Variants in IRF1 observed in about 807,000 individuals in gnomAD.
IRF1 encodes the protein interferon regulatory factor 1, also known as interferon regulatory factor-1.
In IRF1, 13 loss-of-function variants were observed where a neutral mutation model predicts 43.7. That is an observed-to-expected ratio of 0.30 (90% CI 0.19 to 0.47). The LOEUF (loss-of-function observed/expected upper bound fraction) is 0.47. Among genes scored for constraint, IRF1 ranks in the 20% least tolerant of loss-of-function variants. The probability of loss-of-function intolerance (pLI) is 0.99; values close to 1 mark genes in which losing one functional copy is unlikely to be tolerated. For missense variants in IRF1, 236 were observed against 408.9 expected, an observed-to-expected ratio of 0.58 and a Z score of 3.65; for synonymous variants, 138 against 146.8, an observed-to-expected ratio of 0.94 and a Z score of 0.43.
intron 7 of IRF1, 90 bp from the exon 8 acceptor site, chr5:132,485,806 TTC>T (rs1467453243): frequency 9.9e-6 from 9 of 906,174 alleles, no homozygotes; most frequent in Admixed American, 1.8e-5. Context: ...CCCCTGCCCT[TTC>T]TCTGTCTCTC....
At chr5:132,484,110 G>A in intron 9 of IRF1, 35 bp from the exon 10 acceptor site, 1 of 1,609,436 alleles carries the variant, frequency 6.2e-7, no homozygotes, top group Non-Finnish European at 8.5e-7. Context: ...TGAGGGTAGG[G>A]GACGGTGGCA....
In IRF1 at chr5:132,482,663, G is replaced by GTTTTTTTTTT. The variant is rs55959557; in HGVS notation, c.*1278_*1287dup. On this transcript the variant is annotated 3_prime_UTR_variant, in exon 10 of 10. Transcript: ENST00000245414. Reference sequence around the variant, plus strand: ...GCCACCATGCCCGGCCAAATGAAAGGTTTTTTTTTTTTTTTTTTTTTTTGG... The same window carrying GTTTTTTTTTT: ...GCCACCATGCCCGGCCAAATGAAAGGTTTTTTTTTTTTTTTTTTTTTTTTTTTTTTTTTGG... The GTTTTTTTTTT allele has an allele frequency of 1.5e-5, 1 of 65,926 alleles. No individual in the cohort carries two copies. The highest frequency in any genetic ancestry group is 5.2e-5 in the African/African-American group (1 of 19,296). The allele number at this position is 65,926 out of a possible 1,614,324, so 4.1% of individuals were successfully genotyped here. A position where few individuals can be genotyped will look rare whatever the true frequency, so the allele number is the denominator to read the frequency against.
chr5:132,490,488 C>T lies in IRF1; in HGVS notation c.-6+57G>A, dbSNP rs1316153448. The T allele has an allele frequency of 6.6e-6, 1 of 151,844 alleles. No individual in the cohort carries two copies. Among genetic ancestry groups the T allele is most frequent in the Non-Finnish European group, 1.5e-5 (1 of 67,942 alleles). The allele number at this position is 151,844 out of a possible 1,614,324, so 9.4% of individuals were successfully genotyped here. The stretch of plus-strand genomic sequence containing the variant: ...GCTTTCGACCCCCCACTTCCTGGTG[C>T]CCCGCGCGCCTTTTATTCGACGCCG... On this transcript the variant is annotated intron_variant, in intron 1 of 9. Coordinates refer to ENST00000245414, the MANE Select transcript of IRF1 (RefSeq NM_002198.3). The surrounding 1 kb of genome is among the most constrained non-coding windows in gnomAD (Gnocchi z 5.8).
At chr5:132,487,211 A>C in intron 3 of IRF1, 81 bp from the exon 4 acceptor site, 1 of 1,414,076 alleles carries the variant, frequency 7.1e-7, no homozygotes. Flanking sequence ...GGAGGAAGGC[A>C]AGGTACCCCT....
In IRF1 at chr5:132,484,558, C is replaced by T. The variant is rs1277274631; in HGVS notation, c.718-61G>A. 4.4e-6 allele frequency: 7 copies of T among 1,604,200 alleles called. No homozygotes were observed. The Admixed American group carries it at 6.7e-5, about 15-fold the overall frequency. Reference sequence around the variant, plus strand: ...TCCAGTGCAGACTCACCCTGTGGCCCTGCCCTCAATGAGCCAGCTCCTCTC... The same window carrying T: ...TCCAGTGCAGACTCACCCTGTGGCCTTGCCCTCAATGAGCCAGCTCCTCTC... On this transcript the variant is annotated intron_variant, in intron 8 of 9. Coordinates refer to ENST00000245414, the MANE Select transcript of IRF1 (RefSeq NM_002198.3).
Position 132,489,173 on chromosome 5 carries a change from C to G in IRF1, c.87+219G>C, listed in dbSNP as rs1383230282. ...TCTTGCTGCTGGAAACTGGAAGTGC[C>G]TTCAGGTGGGTGCCCTACCTCAAGA... is the stretch of plus-strand genomic sequence containing the variant. On this transcript the variant is annotated intron_variant, in intron 2 of 9. Coordinates refer to ENST00000245414, the MANE Select transcript of IRF1 (RefSeq NM_002198.3). 6 of 502,474 alleles carry G rather than the reference C, an allele frequency of 1.2e-5. No individual in the cohort carries two copies. In the East Asian group the frequency reaches 2.0e-4, roughly 17 times the overall value. The allele number at this position is 502,474 out of a possible 1,614,324, so 31.1% of individuals were successfully genotyped here. A position where few individuals can be genotyped will look rare whatever the true frequency, so the allele number is the denominator to read the frequency against.
Position 132,483,885 on chromosome 5 carries a change from G to A in IRF1, c.*66C>T, listed in dbSNP as rs960873191. The A allele has an allele frequency of 1.3e-6, 2 of 1,594,064 alleles. No individual in the cohort carries two copies. The highest frequency in any genetic ancestry group is 2.7e-5 in the African/African-American group (2 of 74,452). On this transcript the variant is annotated 3_prime_UTR_variant, in exon 10 of 10. Coordinates refer to ENST00000245414, the MANE Select transcript of IRF1 (RefSeq NM_002198.3). Reference sequence around the variant, plus strand: ...GGGCCCACAGAAGTCCAGCTTCTCTGCACCATATCCACCATGATGCCAGGT... The same window carrying A: ...GGGCCCACAGAAGTCCAGCTTCTCTACACCATATCCACCATGATGCCAGGT...
rs1410831412 is a variant in IRF1 at position 132,490,614 on chromosome 5, C to A, written c.-75G>T. 2 of 152,348 alleles carry A rather than the reference C, an allele frequency of 1.3e-5. No homozygotes were observed. The highest frequency in any genetic ancestry group is 4.8e-5 in the African/African-American group (2 of 41,448). The allele number at this position is 152,348 out of a possible 1,614,324, so 9.4% of individuals were successfully genotyped here. A position where few individuals can be genotyped will look rare whatever the true frequency, so the allele number is the denominator to read the frequency against. Reference sequence around the variant, plus strand: ...CGACGCAGGGGCTGCAGTGAGGGCGCGCGGAGCGCGACTCCGAGTGGAAGA... The same window carrying A: ...CGACGCAGGGGCTGCAGTGAGGGCGAGCGGAGCGCGACTCCGAGTGGAAGA... On this transcript the variant is annotated 5_prime_UTR_variant, in exon 1 of 10. Coordinates refer to ENST00000245414, the MANE Select transcript of IRF1 (RefSeq NM_002198.3). The surrounding 1 kb of genome is among the most constrained non-coding windows in gnomAD (Gnocchi z 5.8).
At chr5:132,487,895 G>C in intron 3 of IRF1, 31 bp downstream of exon 3, 1 of 1,530,936 alleles carries the variant, frequency 6.5e-7, no homozygotes, top group Non-Finnish European at 9.0e-7. Context: ...CTCTACCCTG[G>C]GCTTCCTAGG....
chr5:132,484,290 C>T, intron 9 of IRF1, 72 bp downstream of exon 9: 2 of 1,576,224 alleles, frequency 1.3e-6, no homozygotes, highest in Non-Finnish European at 1.7e-6. Flanking sequence ...CCTGGCCCTG[C>T]CCCCAAGCTT....
In IRF1 at chr5:132,486,441, T is replaced by C. The variant is rs9282763; in HGVS notation, c.545-68A>G. ...TTAGTTTGCAAGACATCGAGCGCCC[T>C]CCGACCAACCCTGCAGCCTGCACTA... On this transcript the variant is annotated intron_variant, in intron 6 of 9. Coordinates refer to ENST00000245414, the MANE Select transcript of IRF1 (RefSeq NM_002198.3). 0.34 allele frequency: 554,469 copies of C among 1,608,276 alleles called. 97,197 individuals carry two copies. The highest frequency in any genetic ancestry group is 0.49 in the African/African-American group (36,669 of 74,960).
rs1754584991 is a variant in IRF1, at chr5:132,487,955, C to A, written c.158G>T (p.Cys53Phe). 6.2e-7 allele frequency: 1 copy of A among 1,613,490 alleles called. No individual in the cohort carries two copies. The change falls in exon 3 of 10, where the codon TGT (cysteine) becomes TTT (phenylalanine). Residue 53 changes from cysteine to phenylalanine, a missense_variant. By Grantham distance (205) the Cys-to-Phe change is radical. Transcript: ENST00000245414. ...KHGWDINKDA[C>F]LFRSWAIHTG... ...GTGAATGGCCCAGCTCCGGAACAAACAGGCATCCTTGTTGATGTCCCAGCC... is the reference window on the plus strand; with the variant it reads ...GTGAATGGCCCAGCTCCGGAACAAAAAGGCATCCTTGTTGATGTCCCAGCC...
At chr5:132,489,896 C>CCACTAGCTAGG (rs2126843653) in intron 1 of IRF1, 1 of 195,824 alleles carries the variant, frequency 5.1e-6, no homozygotes, top group African/African-American at 2.3e-5. Context: ...CACTAGCTAG[C>CCACTAGCTAGG]AAAGGGCTAG....
In IRF1 at chr5:132,482,312, G is replaced by T. The variant is rs570666403; in HGVS notation, c.*1639C>A. The T allele has an allele frequency of 1.8e-4, 28 of 151,762 alleles. No individual in the cohort carries two copies. The highest frequency in any genetic ancestry group is 6.5e-4 in the African/African-American group (27 of 41,336). 9.4% of individuals were successfully genotyped at this position (151,762 alleles called of 1,614,324 possible). A position where few individuals can be genotyped will look rare whatever the true frequency, so the allele number is the denominator to read the frequency against. Reference sequence around the variant, plus strand: ...CGGCTCACTGCAAGCTCTGCCTCCGGGGTTCATGCCATTCTCCTGCCTCAG... The same window carrying T: ...CGGCTCACTGCAAGCTCTGCCTCCGTGGTTCATGCCATTCTCCTGCCTCAG... On this transcript the variant is annotated 3_prime_UTR_variant, in exon 10 of 10. Coordinates refer to ENST00000245414, the MANE Select transcript of IRF1 (RefSeq NM_002198.3).
intron 8 of IRF1, chr5:132,485,043 G>A (rs1452591851): frequency 6.4e-6 from 1 of 155,394 alleles, no homozygotes; most frequent in Non-Finnish European, 1.4e-5. Flanking sequence ...CTTCAGAGTA[G>A]CTGGGATTAC....
Position 132,489,413 on chromosome 5 carries a change from C to A in IRF1, c.66G>T (p.Pro22=). The change falls in exon 2 of 10, where the codon CCG becomes CCT. Residue 22 remains proline, a synonymous_variant. Transcript: ENST00000245414. The part of the protein sequence containing the change: ...LEMQINSNQI[P]GLIWINKEEM... ...TCACTTTATTAATCCAGATGAGCCC[C>A]GGGATTTGGTTGGAATTAATCTGCA... 6.2e-7 allele frequency: 1 copy of A among 1,613,820 alleles called. No homozygotes were observed. The highest frequency in any genetic ancestry group is 8.5e-7 in the Non-Finnish European group (1 of 1,179,752).
At chr5:132,485,329 G>A (rs370151634) in intron 8 of IRF1, 6 of 292,426 alleles carry the variant, frequency 2.1e-5, no homozygotes, top group African/African-American at 1.3e-4. Context: ...GATTATTGAA[G>A]CCTGATGTGC....
At chr5:132,485,951 C>G (rs1235693970) in intron 7 of IRF1, 1 of 257,876 alleles carries the variant, frequency 3.9e-6, no homozygotes, top group Non-Finnish European at 6.5e-6. Flanking sequence ...CCACCCCTAC[C>G]CTACTTCCTT....
chr5:132,485,795 C>T (rs966668456), intron 7 of IRF1, 79 bp from the exon 8 acceptor site: 4 of 1,059,792 alleles, frequency 3.8e-6, no homozygotes, highest in Non-Finnish European at 5.9e-6. Flanking sequence ...CCCACCAGAT[C>T]CCCCTGCCCT....
Sources: gnomAD v4.1 joint callset for allele counts on GRCh38, gnomAD v4.1.1 for gene constraint, Gnocchi (gnomAD v3.1) non-coding constraint, MANE v1.5 for transcripts, NCBI Gene and HGNC (gene_info 2026-07-23, HGNC 2026-07-21) for gene names.